The following NEGR1 variants were observed in gnomAD, a reference collection of about 807,000 sequenced individuals.
The protein encoded by NEGR1 is IgLON family member 4.
Under a neutral mutation model 40.9 loss-of-function variants are expected in NEGR1, and 10 were observed. The ratio of observed to expected loss-of-function variants is 0.24; its 90% CI spans 0.15 to 0.42. The LOEUF (loss-of-function observed/expected upper bound fraction) is 0.42, where lower values mean the gene tolerates loss of function less well. NEGR1 is among the 10% of genes least tolerant of loss of function. The probability of loss-of-function intolerance (pLI) is 1.00; values close to 1 mark genes in which losing one functional copy is unlikely to be tolerated. For missense variants in NEGR1, 352 were observed against 438.9 expected (o/e 0.80, Z 1.77); for synonymous variants, 185 against 166.8 (o/e 1.11, Z -0.84).
chr1:71,857,784 T>C lies in NEGR1; in HGVS notation c.409+77295A>G, dbSNP rs746544987. ...CTGTGATATATTAATTCTATTTAGC[T>C]TGGCTTCAACAAAATATACATTTTC... On this transcript the variant is annotated intron_variant, in intron 2 of 6. Transcript: ENST00000357731. Among the ~76,000 whole-genome samples the C allele has an allele frequency of 2.6e-5, 4 of 152,066 alleles. No individual in the cohort carries two copies. In the South Asian group the frequency reaches 8.3e-4, roughly 31 times the overall value.
chr1:72,146,755 C>T (rs1040949136), intron 1 of NEGR1, among the ~76,000 whole-genome samples: 2 of 152,086 alleles, frequency 1.3e-5, no homozygotes, highest in African/African-American at 2.4e-5. Context: ...GTTGAATAAG[C>T]GTTACTCAAC....
At chr1:71,632,564 AT>A (rs1236675030) in intron 4 of NEGR1, among the ~76,000 whole-genome samples, 1 of 151,134 alleles carries the variant, frequency 6.6e-6, no homozygotes, top group Non-Finnish European at 1.5e-5. Context: ...TATACTATAT[AT>A]TTTTGTAAAA....
At chr1:71,572,852 A>G (rs1033965509) in intron 6 of NEGR1, among the ~76,000 whole-genome samples, 1 of 152,154 alleles carries the variant, frequency 6.6e-6, no homozygotes, top group Non-Finnish European at 1.5e-5. Context: ...GGACCCTAGA[A>G]GAGTAATCAA....
rs775227246 is a variant in NEGR1 at position 71,705,834 on chromosome 1, AAGAG to A, written c.536-7699_536-7696del. On this transcript the variant is annotated intron_variant, in intron 3 of 6. Coordinates refer to ENST00000357731, the MANE Select transcript of NEGR1 (RefSeq NM_173808.3). ...GGAAGGAGAAAGAAAGAAAGAAAGA[AAGAG>A]AGAGAGAAGGAAGGAAGAGAGGAAG... Among the ~76,000 whole-genome samples the A allele has an allele frequency of 2.2e-4, 33 of 148,932 alleles. No individual in the cohort carries two copies. The East Asian group carries it at 2.2e-3, about 10-fold the overall frequency.
chr1:71,688,867 C>T (rs1434550319), intron 4 of NEGR1, among the ~76,000 whole-genome samples: 1 of 152,118 alleles, frequency 6.6e-6, no homozygotes, highest in Non-Finnish European at 1.5e-5. Context: ...AAGCTCACAA[C>T]CAATCTTTAA....
At chr1:71,601,935 C>G (rs1256098321) in intron 5 of NEGR1, among the ~76,000 whole-genome samples, 1 of 152,074 alleles carries the variant, frequency 6.6e-6, no homozygotes, top group African/African-American at 2.4e-5. Flanking sequence ...CAGCCTTGCA[C>G]ATGTACCTGC....
chr1:71,706,023 G>A (rs1017755130), intron 3 of NEGR1, among the ~76,000 whole-genome samples: 7 of 152,170 alleles, frequency 4.6e-5, no homozygotes, highest in Non-Finnish European at 8.8e-5. Flanking sequence ...ATTCAGGTGA[G>A]TACTCACAGT....
chr1:72,139,068 T>G (rs1057283862), intron 1 of NEGR1, among the ~76,000 whole-genome samples: 1 of 149,102 alleles, frequency 6.7e-6, no homozygotes, highest in Admixed American at 6.8e-5. Flanking sequence ...TTCCTAAATA[T>G]TGGAAACACA....
chr1:72,171,892 A>G (rs946049789), intron 1 of NEGR1, among the ~76,000 whole-genome samples: 2 of 152,280 alleles, frequency 1.3e-5, no homozygotes, highest in African/African-American at 4.8e-5. Context: ...TTTTTTTCTC[A>G]GGTCATTAAA....
intron 4 of NEGR1, among the ~76,000 whole-genome samples, chr1:71,632,431 C>A (rs1348186402): frequency 2.0e-5 from 3 of 151,128 alleles, no homozygotes; most frequent in Admixed American, 2.0e-4. Context: ...ACTCTTATGA[C>A]AACATCTATA....
intron 2 of NEGR1, among the ~76,000 whole-genome samples, chr1:71,914,764 ACTGTCT>A (rs564601098): frequency 9.2e-5 from 14 of 152,224 alleles, no homozygotes; most frequent in Non-Finnish European, 1.8e-4. Flanking sequence ...AATCTCTCTC[ACTGTCT>A]CTGTCTCTGT....
chr1:72,154,264 G>A (rs1173605481), intron 1 of NEGR1, among the ~76,000 whole-genome samples: 1 of 151,820 alleles, frequency 6.6e-6, no homozygotes, highest in Non-Finnish European at 1.5e-5. Context: ...TGAGATGTCA[G>A]GAATGTATTT....
In NEGR1 at chr1:71,977,514, T is replaced by C. The variant is rs547286208; in HGVS notation, c.177-42203A>G. Among the ~76,000 whole-genome samples, 108 of 152,208 alleles carry C rather than the reference T, an allele frequency of 7.1e-4. 1 individual carries two copies. Among genetic ancestry groups the C allele is most frequent in the African/African-American group, 2.6e-3 (106 of 41,534 alleles). On this transcript the variant is annotated intron_variant, in intron 1 of 6. Transcript: ENST00000357731. ...ATGGTCAACGAGTGTATCTCAACAA[T>C]GATTTTTTAGATGACCACTTTAAAG...
chr1:72,239,863 A>G (rs937212281), intron 1 of NEGR1, among the ~76,000 whole-genome samples: 2 of 151,824 alleles, frequency 1.3e-5, no homozygotes, highest in African/African-American at 4.8e-5. Flanking sequence ...TTGAACTCCG[A>G]TGATTTTATT....
intron 4 of NEGR1, among the ~76,000 whole-genome samples, chr1:71,634,897 A>C (rs572906863): frequency 2.0e-5 from 3 of 152,266 alleles, no homozygotes; most frequent in Non-Finnish European, 2.9e-5. Flanking sequence ...CAATTCAATA[A>C]TACTACTGCA....
intron 3 of NEGR1, among the ~76,000 whole-genome samples, chr1:71,700,365 T>C (rs1653647845): frequency 6.6e-6 from 1 of 152,024 alleles, no homozygotes; most frequent in South Asian, 2.1e-4. Flanking sequence ...ACTGACAGAC[T>C]ACATTAATTC....
intron 1 of NEGR1, among the ~76,000 whole-genome samples, chr1:72,187,328 T>C (rs1652648358): frequency 1.3e-5 from 2 of 151,520 alleles, no homozygotes; most frequent in Admixed American, 1.3e-4. Context: ...ACTTTTTTCC[T>C]AGAAAATATT....
At chr1:71,888,024 CA>C (rs1306772562) in intron 2 of NEGR1, among the ~76,000 whole-genome samples, 1 of 151,244 alleles carries the variant, frequency 6.6e-6, no homozygotes, top group Non-Finnish European at 1.5e-5. Flanking sequence ...CACACACACA[CA>C]CACACACACA....
At chr1:71,566,092 A>C (rs1648611328) in intron 6 of NEGR1, among the ~76,000 whole-genome samples, 3 of 152,108 alleles carry the variant, frequency 2.0e-5, no homozygotes, top group South Asian at 4.2e-4. Context: ...GAGCCTCCCG[A>C]AGGAAACAAC....
Sources: allele counts gnomAD v4.1 joint callset (sites outside exome capture counted in the v4.1 genomes callset), GRCh38; gene constraint gnomAD v4.1.1; transcripts MANE v1.5; gene names NCBI Gene and HGNC (gene_info 2026-07-23, HGNC 2026-07-21).